The following RAB8B variants were observed in gnomAD, a reference collection of about 807,000 sequenced individuals.
RAB8B encodes the protein RAB8B, member RAS oncogene family, also known as ras-related protein Rab-8B.
RAB8B carries 11 observed loss-of-function variants against 32.0 expected under a neutral mutation model. The observed-to-expected ratio is 0.34, with a 90% confidence interval of 0.22 to 0.57. RAB8B has a LOEUF of 0.57. Among genes scored for constraint, RAB8B ranks in the 20% least tolerant of loss-of-function variants. The probability of loss-of-function intolerance (pLI) is 0.86; values close to 1 mark genes in which losing one functional copy is unlikely to be tolerated. For synonymous variants in RAB8B, 103 were observed against 89.6 expected (o/e 1.15, Z -0.85); for missense variants, 190 against 258.5 (o/e 0.73, Z 1.82).
chr15:63,221,711 A>G (rs1465804298), intron 1 of RAB8B, among the ~76,000 whole-genome samples: 2 of 152,180 alleles, frequency 1.3e-5, no homozygotes, highest in African/African-American at 2.4e-5. Context: ...GGACCAGAGC[A>G]TGGTTGGGGG....
In RAB8B at chr15:63,256,568, C is replaced by G. The variant is rs2038160483; in HGVS notation, c.388C>G (p.Gln130Glu). 1.9e-6 allele frequency: 3 copies of G among 1,601,658 alleles called. No individual in the cohort carries two copies. Among genetic ancestry groups the G allele is most frequent in the Non-Finnish European group, 2.6e-6 (3 of 1,175,300 alleles). The change falls in exon 5 of 8, where the codon CAA becomes GAA. Residue 130 changes from glutamine (Q) to glutamate (E), a missense_variant. By Grantham distance (29) the Gln-to-Glu change is conservative (BLOSUM62 2). Coordinates refer to ENST00000321437, the MANE Select transcript of RAB8B (RefSeq NM_016530.3). Reference sequence around the variant, plus strand: ...CAAATGTGATATGAATGACAAAAGACAAGTGTCAAAAGAAAGAGGGGAGAA... The same window carrying G: ...CAAATGTGATATGAATGACAAAAGAGAAGTGTCAAAAGAAAGAGGGGAGAA... The part of the protein sequence containing the change: ...GNKCDMNDKR[Q>E]VSKERGEKLA...
intron 1 of RAB8B, among the ~76,000 whole-genome samples, chr15:63,243,021 A>G (rs983092373): frequency 6.6e-6 from 1 of 152,242 alleles, no homozygotes; most frequent in African/African-American, 2.4e-5. Context: ...TTTTCCTGCA[A>G]CAAGATGGTC....
chr15:63,195,573 A>C (rs1420817554), intron 1 of RAB8B, among the ~76,000 whole-genome samples: 1 of 152,232 alleles, frequency 6.6e-6, no homozygotes, highest in Non-Finnish European at 1.5e-5. Flanking sequence ...GACAAAGAAA[A>C]ATTTAGCAGT....
intron 1 of RAB8B, among the ~76,000 whole-genome samples, chr15:63,238,860 T>C (rs1378978267): frequency 6.6e-6 from 1 of 152,186 alleles, no homozygotes; most frequent in Non-Finnish European, 1.5e-5. Context: ...AGCCTTAGCC[T>C]GCCAGAACAT....
chr15:63,224,541 A>G (rs921826632), intron 1 of RAB8B, among the ~76,000 whole-genome samples: 7 of 152,300 alleles, frequency 4.6e-5, no homozygotes, highest in Non-Finnish European at 8.8e-5. Flanking sequence ...CTTGGGAGAT[A>G]GCTTCATTCT....
chr15:63,260,594 T>A (rs1293222270), intron 6 of RAB8B, among the ~76,000 whole-genome samples: 5 of 152,154 alleles, frequency 3.3e-5, no homozygotes, highest in African/African-American at 1.2e-4. Flanking sequence ...AGATGACTGG[T>A]TGATGGTTGC....
intron 1 of RAB8B, among the ~76,000 whole-genome samples, chr15:63,226,643 T>A (rs73441288): frequency 0.013 from 1,917 of 152,240 alleles, 39 homozygotes; most frequent in African/African-American, 0.045. Flanking sequence ...TGATAGACAA[T>A]TTGAGGTTAA....
At chr15:63,220,261 G>T (rs1031334019) in intron 1 of RAB8B, among the ~76,000 whole-genome samples, 4 of 152,182 alleles carry the variant, frequency 2.6e-5, no homozygotes, top group African/African-American at 9.7e-5. Flanking sequence ...TTCTCTAGAA[G>T]AGACTGCATT....
At chr15:63,232,320 G>A (rs2037942213) in intron 1 of RAB8B, among the ~76,000 whole-genome samples, 1 of 152,056 alleles carries the variant, frequency 6.6e-6, no homozygotes, top group African/African-American at 2.4e-5. Context: ...AGCCCTTCGA[G>A]ACTCAAATAG....
intron 1 of RAB8B, among the ~76,000 whole-genome samples, chr15:63,207,691 C>T (rs1224188765): frequency 1.3e-5 from 2 of 152,024 alleles, no homozygotes; most frequent in Admixed American, 6.6e-5. Context: ...TCTCGAGTAG[C>T]TGGGACTACA....
At chr15:63,192,913 G>A (rs534632381) in intron 1 of RAB8B, among the ~76,000 whole-genome samples, 2 of 152,302 alleles carry the variant, frequency 1.3e-5, no homozygotes, top group South Asian at 2.1e-4. Flanking sequence ...GGGAAACATA[G>A]CGAGACTCTG....
At chr15:63,242,740 C>T (rs754234312) in intron 1 of RAB8B, among the ~76,000 whole-genome samples, 4 of 152,088 alleles carry the variant, frequency 2.6e-5, no homozygotes, top group African/African-American at 7.2e-5. Context: ...ATGTAATTTA[C>T]GTGTTTTCCT....
chr15:63,200,353 T>C (rs1776637865), intron 1 of RAB8B, among the ~76,000 whole-genome samples: 1 of 152,270 alleles, frequency 6.6e-6, no homozygotes, highest in Admixed American at 6.5e-5. Context: ...CTTAATGTTT[T>C]TGAATCCTAT....
At chr15:63,261,769 G>T (rs1216144517) in intron 6 of RAB8B, among the ~76,000 whole-genome samples, 1 of 152,180 alleles carries the variant, frequency 6.6e-6, no homozygotes, top group Non-Finnish European at 1.5e-5. Flanking sequence ...AGTTTTTGGG[G>T]ATCAGGAGTG....
chr15:63,206,758 A>G (rs2037701448), intron 1 of RAB8B, among the ~76,000 whole-genome samples: 1 of 151,824 alleles, frequency 6.6e-6, no homozygotes, highest in African/African-American at 2.4e-5. Flanking sequence ...CAAGTCACCC[A>G]TCTCCCCTTT....
chr15:63,264,479 G>C lies in RAB8B; in HGVS notation c.*860G>C, dbSNP rs957981582. The C allele has an allele frequency of 6.6e-6, 1 of 152,106 alleles. No individual in the cohort carries two copies. The highest frequency in any genetic ancestry group is 2.4e-5 in the African/African-American group (1 of 41,408). The allele number at this position is 152,106 out of a possible 1,614,324, so 9.4% of individuals were successfully genotyped here. On this transcript the variant is annotated 3_prime_UTR_variant, in exon 8 of 8. Transcript: ENST00000321437. ...GTGGGCTGAGAGATATACCATTTAG[G>C]GTTTTAGTGCAGCATCTAACTGTGA...
rs539230337 is a variant in RAB8B at position 63,199,206 on chromosome 15, C to T, written c.124+9458C>T. Among the ~76,000 whole-genome samples the T allele has an allele frequency of 3.2e-3, 492 of 152,316 alleles. 4 individuals are homozygous for T. Among genetic ancestry groups the T allele is most frequent in the Middle Eastern group, 0.02 (6 of 294 alleles). ...GGAAGAGAAAAATGAAAACATTTCC[C>T]TTCCCCTATCTCTTTGGCTACTTGG... On this transcript the variant is annotated intron_variant, in intron 1 of 7. Coordinates refer to ENST00000321437, the MANE Select transcript of RAB8B (RefSeq NM_016530.3).
intron 1 of RAB8B, among the ~76,000 whole-genome samples, chr15:63,235,230 A>C (rs1203734679): frequency 6.6e-6 from 1 of 152,078 alleles, no homozygotes; most frequent in Non-Finnish European, 1.5e-5. Context: ...ACTGTAAGCC[A>C]TTGGTGACCA....
chr15:63,190,627 T>C (rs1387514603), intron 1 of RAB8B, among the ~76,000 whole-genome samples: 1 of 152,204 alleles, frequency 6.6e-6, no homozygotes, highest in Non-Finnish European at 1.5e-5. Context: ...GATGGAATAA[T>C]GTCTATAGAG....
Sources: allele counts gnomAD v4.1 joint callset (sites outside exome capture counted in the v4.1 genomes callset), GRCh38; gene constraint gnomAD v4.1.1; transcripts MANE v1.5; gene names NCBI Gene and HGNC (gene_info 2026-07-23, HGNC 2026-07-21).